The following NSUN2 variants were observed in gnomAD, a reference collection of about 807,000 sequenced individuals.
The protein encoded by NSUN2 is NOP2/Sun RNA methyltransferase 2, also known as RNA cytosine C(5)-methyltransferase NSUN2.
NSUN2 carries 63 observed loss-of-function variants against 92.7 expected under a neutral mutation model. The ratio of observed to expected loss-of-function variants is 0.68; its 90% CI spans 0.56 to 0.84. NSUN2 has a LOEUF of 0.84. NSUN2 is among the 40% of genes least tolerant of loss of function. NSUN2 has a pLI of 0.00. For synonymous variants in NSUN2, 356 were observed against 348.3 expected (o/e 1.02, Z -0.25); for missense variants, 989 against 964.9 (o/e 1.02, Z -0.33).
chr5:6,600,251 T>G lies in NSUN2; in HGVS notation c.1998-19A>C. The G allele has an allele frequency of 6.2e-7, 1 of 1,606,016 alleles. No homozygotes were observed. The highest frequency in any genetic ancestry group is 1.1e-5 in the South Asian group (1 of 90,440). Reference sequence around the variant, plus strand: ...TGGATTCCTACAAGTGAAAGTGGCTTCATGTAGAACATTAAACATTCCCAT... The same window carrying G: ...TGGATTCCTACAAGTGAAAGTGGCTGCATGTAGAACATTAAACATTCCCAT... On this transcript the variant is annotated intron_variant, in intron 18 of 18. Coordinates refer to ENST00000264670, the MANE Select transcript of NSUN2 (RefSeq NM_017755.6).
chr5:6,602,536 C>G (rs767746400), intron 17 of NSUN2, 36 bp from the exon 18 acceptor site: 7 of 1,609,972 alleles, frequency 4.3e-6, no homozygotes, highest in Non-Finnish European at 6.0e-6. Flanking sequence ...GCCAGGTTTT[C>G]CAGGTAGTGG....
rs765756292 is a variant in NSUN2, at chr5:6,605,388, G to GGATCC, written c.1617_1621dup (p.Pro541ArgfsTer8). 2 of 1,614,012 alleles carry GGATCC rather than the reference G, an allele frequency of 1.2e-6. No homozygotes were observed. Among genetic ancestry groups the GGATCC allele is most frequent in the African/African-American group, 2.7e-5 (2 of 74,892 alleles). On this transcript the variant is annotated frameshift_variant, in exon 15 of 19. Coordinates refer to ENST00000264670, the MANE Select transcript of NSUN2 (RefSeq NM_017755.6). LOFTEE classifies it high-confidence loss of function. ...TAACAAATTCATCCTTGGGAATGAAGGATCCAAAGCATAAAATTTCCTGTA... is the reference window on the plus strand; with the variant it reads ...TAACAAATTCATCCTTGGGAATGAAGGATCCGATCCAAAGCATAAAATTTCCTGTA...
intron 18 of NSUN2, among the ~76,000 whole-genome samples, chr5:6,601,876 G>A (rs1736570010): frequency 6.6e-6 from 1 of 152,154 alleles, no homozygotes; most frequent in South Asian, 2.1e-4. Flanking sequence ...CGTGAGCTGA[G>A]GAGCTCTGGG....
rs370852216 is a variant in NSUN2 at position 6,620,185 on chromosome 5, T to C, written c.736A>G (p.Ile246Val). The change falls in exon 7 of 19, where the codon ATA becomes GTA. Residue 246 changes from isoleucine (I) to valine (V), a missense_variant. Physicochemically the swap from Ile to Val is conservative, Grantham distance 29. Around this residue, in one of 3 missense-constraint regions of NSUN2, gnomAD observed 356 missense variants for 338.6 expected, o/e 1.05. Transcript: ENST00000264670. ...TCCACATCTATCTGGAGCCTGGGTA[T>C]GCTGGAGGCATCATGGTTGACCACC... ...IMVVNHDASSIPRLQIDVDGR... is the reference protein window; with the variant it reads ...IMVVNHDASSVPRLQIDVDGR... 4.9e-5 allele frequency: 79 copies of C among 1,613,250 alleles called. No individual in the cohort carries two copies. Among genetic ancestry groups the C allele is most frequent in the Middle Eastern group, 1.6e-4 (1 of 6,082 alleles).
intron 3 of NSUN2, 47 bp downstream of exon 3, chr5:6,631,826 A>T (rs1399358468): frequency 7.5e-7 from 1 of 1,325,558 alleles, no homozygotes; most frequent in East Asian, 2.3e-5. Context: ...AGTGATAGAG[A>T]TTAATATCCC....
At position 6,609,751 on chromosome 5, in the gene NSUN2, A is replaced by T. The variant is rs1290628153; in HGVS notation, c.1323+75T>A. 3 of 1,190,968 alleles carry T rather than the reference A, an allele frequency of 2.5e-6. No individual in the cohort carries two copies. In the African/African-American group the frequency reaches 4.6e-5, roughly 18 times the overall value. The allele number at this position is 1,190,968 out of a possible 1,614,324, so 73.8% of individuals were successfully genotyped here. ...AAGCTCCTCTTTCCTCTGTACTTCT[A>T]CTAAACTCCGGTTAGTTTTTGTCTT... On this transcript the variant is annotated intron_variant, in intron 12 of 18. Transcript: ENST00000264670.
intron 10 of NSUN2, among the ~76,000 whole-genome samples, chr5:6,611,335 A>G (rs1736980166): frequency 1.3e-5 from 2 of 151,986 alleles, no homozygotes; most frequent in Admixed American, 1.3e-4. Context: ...GCATTATAAA[A>G]TAACATTTTC....
intron 9 of NSUN2, among the ~76,000 whole-genome samples, chr5:6,616,336 A>G (rs1280785815): frequency 6.6e-6 from 1 of 152,246 alleles, no homozygotes; most frequent in Non-Finnish European, 1.5e-5. Flanking sequence ...AAGCAATGCA[A>G]TTTTGACACA....
intron 6 of NSUN2, chr5:6,620,944 C>G (rs1737411004): frequency 6.6e-6 from 1 of 152,192 alleles, no homozygotes; most frequent in Non-Finnish European, 1.5e-5. Flanking sequence ...TCTTTACTGC[C>G]AATGTGGAGA....
At chr5:6,628,043 T>C (rs962517234) in intron 3 of NSUN2, among the ~76,000 whole-genome samples, 3 of 152,176 alleles carry the variant, frequency 2.0e-5, no homozygotes, top group African/African-American at 7.2e-5. Context: ...ATCCTCAATC[T>C]AGACATTAAA....
chr5:6,610,178 C>G (rs1736929839), intron 11 of NSUN2, among the ~76,000 whole-genome samples: 1 of 152,088 alleles, frequency 6.6e-6, no homozygotes, highest in African/African-American at 2.4e-5. Flanking sequence ...ATCCTCCTGC[C>G]TCAGCCTCCC....
intron 6 of NSUN2, chr5:6,621,716 C>T (rs1392881582): frequency 1.6e-5 from 4 of 244,080 alleles, no homozygotes; most frequent in Admixed American, 1.1e-4. Context: ...CCACTGCACT[C>T]CAGCCTGGGC....
intron 16 of NSUN2, among the ~76,000 whole-genome samples, 154 bp from the exon 17 acceptor site, chr5:6,604,430 A>T (rs1736678178): frequency 6.6e-6 from 1 of 150,854 alleles, no homozygotes; most frequent in African/African-American, 2.4e-5. Flanking sequence ...ACCCCCCCCT[A>T]GGAGGGGAAA....
intron 11 of NSUN2, among the ~76,000 whole-genome samples, chr5:6,610,125 G>A (rs1284455064): frequency 2.6e-5 from 4 of 151,134 alleles, no homozygotes; most frequent in Non-Finnish European, 5.9e-5. Context: ...GTGCAGTGGT[G>A]TGATCTCAAC....
At chr5:6,613,260 T>C (rs1453042326) in intron 9 of NSUN2, among the ~76,000 whole-genome samples, 1 of 152,220 alleles carries the variant, frequency 6.6e-6, no homozygotes, top group African/African-American at 2.4e-5. Context: ...GTATTTAAGA[T>C]ATACACAACA....
chr5:6,620,255 G>A lies in NSUN2; in HGVS notation c.666C>T (p.Tyr222=). ...IANDVDNKRC[Y]LLVHQAKRLS... is the part of the protein sequence containing the mutation. Reference sequence around the variant, plus strand: ...GCCTCTTGGCTTGATGGACGAGCAGGTAGCAGCGCTTGTTGTCCACATCAT... The same window carrying A: ...GCCTCTTGGCTTGATGGACGAGCAGATAGCAGCGCTTGTTGTCCACATCAT... The change falls in exon 7 of 19, where the codon TAC becomes TAT. Residue 222 remains tyrosine, a synonymous_variant. Coordinates refer to ENST00000264670, the MANE Select transcript of NSUN2 (RefSeq NM_017755.6). 2.5e-6 allele frequency: 4 copies of A among 1,607,570 alleles called. No individual in the cohort carries two copies. Among genetic ancestry groups the A allele is most frequent in the East Asian group, 2.2e-5 (1 of 44,492 alleles).
At chr5:6,627,369 CTG>C (rs1737691682) in intron 3 of NSUN2, among the ~76,000 whole-genome samples, 1 of 152,320 alleles carries the variant, frequency 6.6e-6, no homozygotes, top group East Asian at 1.9e-4. Flanking sequence ...CTGAACTTGT[CTG>C]TCTCAAAGCT....
intron 3 of NSUN2, among the ~76,000 whole-genome samples, chr5:6,629,790 A>T (rs1489746846): frequency 6.6e-6 from 1 of 152,170 alleles, no homozygotes; most frequent in African/African-American, 2.4e-5. Flanking sequence ...TTCTCACAAC[A>T]GTGAGTTCGT....
At chr5:6,628,276 A>G (rs574247705) in intron 3 of NSUN2, among the ~76,000 whole-genome samples, 6 of 152,302 alleles carry the variant, frequency 3.9e-5, no homozygotes, top group Non-Finnish European at 8.8e-5. Context: ...TGAGCCCAGG[A>G]GGTGGAGGTT....
Sources: allele counts gnomAD v4.1 joint callset (sites outside exome capture counted in the v4.1 genomes callset), GRCh38; gene constraint gnomAD v4.1.1; regional missense constraint gnomAD v4.1.1; transcripts MANE v1.5; gene names NCBI Gene and HGNC (gene_info 2026-07-23, HGNC 2026-07-21).